Variants in INSC observed in about 807,000 individuals in gnomAD.
INSC encodes the protein protein inscuteable homolog.
INSC carries 67 observed loss-of-function variants against 58.6 expected under a neutral mutation model. The observed-to-expected ratio is 1.14, with a 90% CI of 0.94 to 1.40. The LOEUF (loss-of-function observed/expected upper bound fraction) is 1.40. INSC is among the 40% of genes most tolerant of loss of function. INSC has a pLI of 0.00. For synonymous variants in INSC, 262 were observed against 276.1 expected (o/e 0.95, Z 0.51); for missense variants, 714 against 692.0 (o/e 1.03, Z -0.36).
At chr11:15,181,615 T>C (rs1156535220) in intron 5 of INSC, among the ~76,000 whole-genome samples, 1 of 152,162 alleles carries the variant, frequency 6.6e-6, no homozygotes, top group East Asian at 1.9e-4. Context: ...AAAATTGAAG[T>C]GATTGTATTA....
intron 1 of INSC, among the ~76,000 whole-genome samples, chr11:15,145,853 G>A (rs1406855072): frequency 2.0e-5 from 3 of 152,140 alleles, no homozygotes; most frequent in Non-Finnish European, 4.4e-5. Flanking sequence ...GAAGAGTGCT[G>A]GGCTGTCTGA....
At chr11:15,259,166 G>T in the INSC span, among the ~76,000 whole-genome samples, 1 of 152,200 alleles carries the variant, frequency 6.6e-6, no homozygotes, top group African/African-American at 2.4e-5. Flanking sequence ...AGATCCAGGA[G>T]CCCAGTGGAG....
chr11:15,239,067 G>A lies in INSC; in HGVS notation c.1386G>A (p.Arg462=). The A allele has an allele frequency of 1.9e-6, 3 of 1,612,118 alleles. No homozygotes were observed. The highest frequency in any genetic ancestry group is 2.2e-5 in the South Asian group (2 of 90,960). The change falls in exon 11 of 13, where the codon CGG becomes CGA. Residue 462 remains arginine (R), a synonymous_variant. Transcript: ENST00000379556. ...RDPDVAREAV[R]LSCMSRLIEL... ...CAGATGTGGCACGGGAGGCCGTGCG[G>A]CTCAGCTGTGAGTGGTGCTTTCTGG...
intron 2 of INSC, among the ~76,000 whole-genome samples, chr11:15,149,495 G>A (rs1023930183): frequency 2.0e-5 from 3 of 152,124 alleles, no homozygotes; most frequent in African/African-American, 4.8e-5. Context: ...ACAAAGAATC[G>A]AATGGGTGTG....
intron 7 of INSC, among the ~76,000 whole-genome samples, chr11:15,215,695 A>G (rs4757299): frequency 0.3 from 46,120 of 152,082 alleles, 7,784 homozygotes; most frequent in East Asian, 0.74. Context: ...TGGTATAAGA[A>G]CTGCCCTGAG....
intron 1 of INSC, among the ~76,000 whole-genome samples, chr11:15,132,977 T>C (rs1458458328): frequency 6.6e-6 from 1 of 152,172 alleles, no homozygotes; most frequent in Non-Finnish European, 1.5e-5. Flanking sequence ...TGTGTATGTA[T>C]ATGTTTTGTA....
chr11:15,220,836 G>T (rs1360545606), intron 7 of INSC, among the ~76,000 whole-genome samples: 1 of 152,180 alleles, frequency 6.6e-6, no homozygotes, highest in Non-Finnish European at 1.5e-5. Flanking sequence ...TTTCAGGTTT[G>T]CTTCTTACTG....
intron 7 of INSC, among the ~76,000 whole-genome samples, chr11:15,218,548 T>TTC (rs368147227): frequency 1.4e-3 from 209 of 151,602 alleles, no homozygotes; most frequent in African/African-American, 4.6e-3. Context: ...TTAAAACTTA[T>TTC]TCTCTCTCTC....
intron 1 of INSC, among the ~76,000 whole-genome samples, chr11:15,142,125 G>A (rs1220469143): frequency 6.6e-6 from 1 of 152,138 alleles, no homozygotes; most frequent in Non-Finnish European, 1.5e-5. Flanking sequence ...CCTCGCTATG[G>A]CTCACACTGC....
At chr11:15,241,858 A>G (rs1264305055) in intron 12 of INSC, among the ~76,000 whole-genome samples, 1 of 152,216 alleles carries the variant, frequency 6.6e-6, no homozygotes, top group East Asian at 1.9e-4. Context: ...TAAGCCTAGT[A>G]AGTATTGTCA....
At chr11:15,164,631 TA>T (rs1372690368) in intron 2 of INSC, among the ~76,000 whole-genome samples, 3 of 152,232 alleles carry the variant, frequency 2.0e-5, no homozygotes, top group Non-Finnish European at 4.4e-5. Context: ...TGCTTTCCAG[TA>T]AATACCCAGA....
At chr11:15,210,973 C>T (rs1308440832) in intron 7 of INSC, among the ~76,000 whole-genome samples, 4 of 152,070 alleles carry the variant, frequency 2.6e-5, no homozygotes, top group Non-Finnish European at 5.9e-5. Flanking sequence ...AGAACCATCA[C>T]CCACAACCTG....
chr11:15,119,803 G>A (rs544871766), intron 1 of INSC, among the ~76,000 whole-genome samples: 6 of 152,348 alleles, frequency 3.9e-5, no homozygotes, highest in South Asian at 2.1e-4. Context: ...AAGAGTGCAC[G>A]GGCTTTGCAG....
chr11:15,198,719 C>T (rs1053244453), intron 6 of INSC, among the ~76,000 whole-genome samples: 1 of 151,990 alleles, frequency 6.6e-6, no homozygotes, highest in African/African-American at 2.4e-5. Flanking sequence ...AAATGACCAG[C>T]AGGGCTGGCT....
intron 5 of INSC, 66 bp downstream of exon 5, chr11:15,178,513 G>C: frequency 1.9e-6 from 3 of 1,559,798 alleles, no homozygotes; most frequent in Non-Finnish European, 2.6e-6. Context: ...GAGAGAAAGA[G>C]GGGCTGAGCC....
At chr11:15,252,156 T>A (rs761930596), downstream of INSC, among the ~76,000 whole-genome samples, 1 of 152,184 alleles carries the variant, frequency 6.6e-6, no homozygotes, top group African/African-American at 2.4e-5. Flanking sequence ...GTTCCAAATA[T>A]ACGAGATGTA....
chr11:15,155,667 A>G (rs1380298576), intron 2 of INSC, among the ~76,000 whole-genome samples: 1 of 152,186 alleles, frequency 6.6e-6, no homozygotes, highest in East Asian at 1.9e-4. Context: ...TTGTTCCTTT[A>G]CAGAGAACTC....
intron 7 of INSC, among the ~76,000 whole-genome samples, chr11:15,218,003 A>T (rs555360454): frequency 1.3e-5 from 2 of 152,176 alleles, no homozygotes; most frequent in Non-Finnish European, 2.9e-5. Context: ...ATGCGGAAAC[A>T]CTTTGCCCTA....
chr11:15,160,896 G>A (rs531776412), intron 2 of INSC, among the ~76,000 whole-genome samples: 81 of 152,340 alleles, frequency 5.3e-4, no homozygotes, highest in African/African-American at 1.8e-3. Context: ...ATCTGGCACT[G>A]TCAGAAACCT....
Sources: allele counts gnomAD v4.1 joint callset (sites outside exome capture counted in the v4.1 genomes callset), GRCh38; gene constraint gnomAD v4.1.1; transcripts MANE v1.5; gene names NCBI Gene and HGNC (gene_info 2026-07-23, HGNC 2026-07-21).